Variants in SKAP2 observed in about 807,000 individuals in gnomAD.
SKAP2 encodes the protein src kinase-associated phosphoprotein 2.
In SKAP2, 28 loss-of-function variants were observed where a neutral mutation model predicts 54.9. The observed-to-expected ratio is 0.51, with a 90% CI of 0.38 to 0.70. The LOEUF (loss-of-function observed/expected upper bound fraction) is 0.70, where lower values mean the gene tolerates loss of function less well. Among genes scored for constraint, SKAP2 ranks in the 30% least tolerant of loss-of-function variants. The pLI is 0.00. For synonymous variants in SKAP2, 137 were observed against 134.3 expected (o/e 1.02, Z -0.14); for missense variants, 356 against 424.1 (o/e 0.84, Z 1.41).
intron 4 of SKAP2, among the ~76,000 whole-genome samples, chr7:26,833,052 A>T (rs1029217667): frequency 1.3e-5 from 2 of 152,176 alleles, no homozygotes; most frequent in Admixed American, 1.3e-4. Context: ...CAACCAAGAG[A>T]GAAGCTGAGC....
chr7:26,822,015 ATGT>A (rs1784392343), intron 4 of SKAP2, among the ~76,000 whole-genome samples: 3 of 151,798 alleles, frequency 2.0e-5, no homozygotes, highest in Admixed American at 1.3e-4. Context: ...ATAATTATTA[ATGT>A]AAGTATTTTA....
intron 9 of SKAP2, among the ~76,000 whole-genome samples, chr7:26,694,890 G>A (rs10228105): frequency 6.6e-6 from 1 of 151,860 alleles, no homozygotes; most frequent in South Asian, 2.1e-4. Flanking sequence ...TACCCTAATA[G>A]GGATTGCAAA....
intron 10 of SKAP2, among the ~76,000 whole-genome samples, chr7:26,685,815 T>TA (rs1786625929): frequency 1.3e-5 from 2 of 152,328 alleles, no homozygotes; most frequent in Admixed American, 6.5e-5. Flanking sequence ...AATTTCATGA[T>TA]AATTGAGTTT....
At chr7:26,738,689 G>C in intron 6 of SKAP2, 106 bp downstream of exon 6, 1 of 642,590 alleles carries the variant, frequency 1.6e-6, no homozygotes, top group Non-Finnish European at 2.8e-6. Flanking sequence ...ATAATTCTCA[G>C]TTATTATTAG....
chr7:26,821,231 A>G (rs564169681), intron 4 of SKAP2, among the ~76,000 whole-genome samples: 6 of 152,170 alleles, frequency 3.9e-5, no homozygotes, highest in Admixed American at 1.3e-4. Context: ...GTAACATAAC[A>G]TGATGCCTGA....
intron 4 of SKAP2, among the ~76,000 whole-genome samples, chr7:26,796,699 T>G (rs1222129259): frequency 2.0e-5 from 3 of 152,238 alleles, no homozygotes; most frequent in Non-Finnish European, 4.4e-5. Flanking sequence ...TTCTCATTAA[T>G]TTTCTTAATA....
chr7:26,712,097 A>G (rs1162100690), intron 9 of SKAP2, among the ~76,000 whole-genome samples: 8 of 152,196 alleles, frequency 5.3e-5, no homozygotes, highest in Non-Finnish European at 8.8e-5. Context: ...GTAGAGCAGT[A>G]TAGGTTGAAT....
intron 4 of SKAP2, among the ~76,000 whole-genome samples, chr7:26,796,444 T>C (rs1783781615): frequency 6.6e-6 from 1 of 152,244 alleles, no homozygotes; most frequent in Non-Finnish European, 1.5e-5. Flanking sequence ...TTACCATGTT[T>C]AGTGCAATAC....
intron 9 of SKAP2, among the ~76,000 whole-genome samples, chr7:26,724,354 A>G (rs1218712508): frequency 6.6e-6 from 1 of 152,252 alleles, no homozygotes; most frequent in Non-Finnish European, 1.5e-5. Context: ...ACCCCTCCCA[A>G]TGACATTATT....
chr7:26,828,762 C>T (rs1292217280), intron 4 of SKAP2, among the ~76,000 whole-genome samples: 2 of 150,344 alleles, frequency 1.3e-5, no homozygotes, highest in East Asian at 3.9e-4. Context: ...AGCGGTGGCT[C>T]ACACCTGTAA....
chr7:26,836,918 CAA>C (rs1236498595), intron 4 of SKAP2, among the ~76,000 whole-genome samples: 3 of 152,160 alleles, frequency 2.0e-5, no homozygotes, highest in African/African-American at 4.8e-5. Flanking sequence ...TTCACAATAG[CAA>C]AGACTTGGAG....
Position 26,794,931 on chromosome 7 carries a change from C to T in SKAP2, c.307+49099G>A, listed in dbSNP as rs192689333. 1.1e-4 allele frequency among the ~76,000 whole-genome samples: 17 copies of T among 152,272 alleles called. No individual in the cohort carries two copies. In the East Asian group the frequency reaches 3.1e-3, roughly 28 times the overall value. On this transcript the variant is annotated intron_variant, in intron 4 of 12. Coordinates refer to ENST00000345317, the MANE Select transcript of SKAP2 (RefSeq NM_003930.5). The stretch of plus-strand genomic sequence containing the variant: ...TACGTATATAAGTTCCTAATAAAAC[C>T]CCATGTCTCGTTTGCTGGCTCTGGG...
intron 9 of SKAP2, among the ~76,000 whole-genome samples, chr7:26,718,250 G>A (rs1787503722): frequency 6.6e-6 from 1 of 151,830 alleles, no homozygotes; most frequent in South Asian, 2.1e-4. Flanking sequence ...GAAAATAGGG[G>A]AGAGGAATGA....
chr7:26,752,657 T>C (rs185097951), intron 4 of SKAP2, among the ~76,000 whole-genome samples: 20 of 152,318 alleles, frequency 1.3e-4, no homozygotes, highest in African/African-American at 2.6e-4. Flanking sequence ...ACTCTTTTTA[T>C]GTTGCTGCTT....
At chr7:26,710,834 A>G (rs1389507192) in intron 9 of SKAP2, among the ~76,000 whole-genome samples, 1 of 152,188 alleles carries the variant, frequency 6.6e-6, no homozygotes, top group Non-Finnish European at 1.5e-5. Context: ...CGGTTTATAA[A>G]GGAGGTTTTG....
At position 26,725,981 on chromosome 7, in the gene SKAP2, T is replaced by C; in HGVS notation, c.600A>G (p.Thr200=). ...SAPDKRIYQF[T]AASPKDAEEW... The stretch of plus-strand genomic sequence containing the variant: ...CTTCAGCATCTTTGGGAGAAGCTGC[T>C]GTAAACTAATATAAAACAAACAGTA... Residue 200 remains threonine (T), a synonymous_variant, in exon 8 of 13, where the codon ACA becomes ACG. Coordinates refer to ENST00000345317, the MANE Select transcript of SKAP2 (RefSeq NM_003930.5). 1.9e-6 allele frequency: 3 copies of C among 1,606,466 alleles called. No homozygotes were observed. Among genetic ancestry groups the C allele is most frequent in the Non-Finnish European group, 2.6e-6 (3 of 1,174,708 alleles).
At chr7:26,795,774 A>C (rs1783764441) in intron 4 of SKAP2, among the ~76,000 whole-genome samples, 1 of 152,166 alleles carries the variant, frequency 6.6e-6, no homozygotes, top group African/African-American at 2.4e-5. Context: ...AAAAAATAAA[A>C]TCTCTCCCAC....
chr7:26,717,337 C>G (rs143714908), intron 9 of SKAP2, among the ~76,000 whole-genome samples: 2 of 151,612 alleles, frequency 1.3e-5, no homozygotes, highest in African/African-American at 4.8e-5. Flanking sequence ...TGGCAAAACA[C>G]CGTCTCTACA....
intron 9 of SKAP2, among the ~76,000 whole-genome samples, chr7:26,715,069 T>C (rs1015064870): frequency 1.3e-5 from 2 of 152,206 alleles, no homozygotes; most frequent in Non-Finnish European, 2.9e-5. Context: ...GGTACAGTGT[T>C]AGGATTTTTC....
Sources: gnomAD v4.1 joint callset for allele counts (sites outside exome capture counted in the v4.1 genomes callset) on GRCh38, gnomAD v4.1.1 for gene constraint, MANE v1.5 for transcripts, NCBI Gene and HGNC (gene_info 2026-07-23, HGNC 2026-07-21) for gene names.